MGAM2: variants seen among roughly 807,000 people sequenced by gnomAD.
MGAM2 encodes the protein probable maltase-glucoamylase 2.
MGAM2 carries 98 observed loss-of-function variants against 96.1 expected under a neutral mutation model. That is an observed-to-expected ratio of 1.02 (90% CI 0.87 to 1.21). The LOEUF (loss-of-function observed/expected upper bound fraction) is 1.21. Among genes scored for constraint, MGAM2 ranks in the 50% most tolerant of loss-of-function variants. MGAM2 has a pLI of 0.00. For missense variants in MGAM2, 2,055 were observed against 1,182.4 expected, an observed-to-expected ratio of 1.74 and a Z score of -10.82; for synonymous variants, 749 against 414.8, an observed-to-expected ratio of 1.81 and a Z score of -9.79.
In MGAM2 at chr7:142,137,564, A is replaced by G. The variant is rs1349542694; in HGVS notation, c.960+19A>G. ...CTTGGAGGTATGTCTTTGCATTTAG[A>G]TAGTCATTATTTACTGCTGTTATCT... is the stretch of plus-strand genomic sequence containing the variant. On this transcript the variant is annotated intron_variant, in intron 9 of 47. Coordinates refer to ENST00000477922, the MANE Select transcript of MGAM2 (RefSeq NM_001293626.2). The G allele has an allele frequency of 1.2e-5, 8 of 686,930 alleles. No individual in the cohort carries two copies. Among genetic ancestry groups the G allele is most frequent in the African/African-American group, 7.1e-5 (4 of 56,308 alleles). The allele number at this position is 686,930 out of a possible 1,614,324, so 42.6% of individuals were successfully genotyped here. A position where few individuals can be genotyped will look rare whatever the true frequency, so the allele number is the denominator to read the frequency against.
intron 3 of MGAM2, among the ~76,000 whole-genome samples, chr7:142,121,685 ATAT>A (rs1794577197): frequency 1.3e-5 from 2 of 150,106 alleles, no homozygotes; most frequent in Admixed American, 1.3e-4. Flanking sequence ...TTTTTACTTT[ATAT>A]TATGTTTACA....
intron 3 of MGAM2, among the ~76,000 whole-genome samples, chr7:142,130,096 C>A (rs976656873): frequency 3.3e-5 from 5 of 151,904 alleles, no homozygotes; most frequent in South Asian, 2.1e-4. Context: ...AATTATAAGA[C>A]CTTTACAAAA....
At chr7:142,147,084 G>A (rs182579711) in intron 14 of MGAM2, among the ~76,000 whole-genome samples, 1 of 152,144 alleles carries the variant, frequency 6.6e-6, no homozygotes, top group Admixed American at 6.5e-5. Context: ...CCCTTTCTCT[G>A]CCTTCATACC....
Position 142,160,275 on chromosome 7 carries a change from T to C in MGAM2, c.2345+17T>C. 1.5e-6 allele frequency: 1 copy of C among 685,896 alleles called. No homozygotes were observed. Among genetic ancestry groups the C allele is most frequent in the Non-Finnish European group, 2.6e-6 (1 of 377,890 alleles). The allele number at this position is 685,896 out of a possible 1,614,324, so 42.5% of individuals were successfully genotyped here. A position where few individuals can be genotyped will look rare whatever the true frequency, so the allele number is the denominator to read the frequency against. On this transcript the variant is annotated intron_variant, in intron 21 of 47. Coordinates refer to ENST00000477922, the MANE Select transcript of MGAM2 (RefSeq NM_001293626.2). ...AGAAGCCAGGTAAGCTCCTTACTCT[T>C]CTAAGGTATGACTATTCTGGTGCTC... is the stretch of plus-strand genomic sequence containing the variant.
Position 142,220,155 on chromosome 7 carries a change from T to C in MGAM2, c.5644T>C (p.Ser1882Pro). Residue 1882 changes from serine to proline, a missense_variant, in exon 48 of 48, where the codon TCT becomes CCT. Coordinates refer to ENST00000477922, the MANE Select transcript of MGAM2 (RefSeq NM_001293626.2). ...TTNTTVPDTT[S>P]PFPTSTTNAS... ...TAATACTACTGTTCCTGATACAACTTCTCCTTTCCCTACAAGTACTACTAA... is the reference window on the plus strand; with the variant it reads ...TAATACTACTGTTCCTGATACAACTCCTCCTTTCCCTACAAGTACTACTAA... 1 of 702,194 alleles carries C rather than the reference T, an allele frequency of 1.4e-6. No homozygotes were observed. The highest frequency in any genetic ancestry group is 1.5e-5 in the South Asian group (1 of 67,550). The allele number at this position is 702,194 out of a possible 1,614,324, so 43.5% of individuals were successfully genotyped here.
Position 142,214,471 on chromosome 7 carries a change from A to G in MGAM2, c.5188-3890A>G, listed in dbSNP as rs181934910. Among the ~76,000 whole-genome samples the G allele has an allele frequency of 7.2e-5, 11 of 152,354 alleles. No individual in the cohort carries two copies. In the East Asian group the frequency reaches 2.1e-3, roughly 29 times the overall value. ...CAACTTCAGCAAAGTCTCAGGATACAAAATCAATGTGCAAAAATCACAAGC... is the reference window on the plus strand; with the variant it reads ...CAACTTCAGCAAAGTCTCAGGATACGAAATCAATGTGCAAAAATCACAAGC... On this transcript the variant is annotated intron_variant, in intron 46 of 47. Transcript: ENST00000477922.
At chr7:142,187,904 C>A in intron 36 of MGAM2, 70 bp downstream of exon 36, 1 of 672,666 alleles carries the variant, frequency 1.5e-6, no homozygotes, top group South Asian at 1.6e-5. Flanking sequence ...CTTTTACTGT[C>A]AAAGTGAAGC....
chr7:142,116,305 T>C (rs975218484), intron 1 of MGAM2, among the ~76,000 whole-genome samples: 15 of 152,186 alleles, frequency 9.9e-5, no homozygotes, highest in African/African-American at 2.7e-4. Context: ...ATGTGAGTTG[T>C]TTGCTGTGAA....
chr7:142,130,010 TATTCTA>T, intron 3 of MGAM2, among the ~76,000 whole-genome samples: 1 of 152,284 alleles, frequency 6.6e-6, no homozygotes, highest in Non-Finnish European at 1.5e-5. Context: ...TGCCTGTGTT[TATTCTA>T]ACACAGTGGT....
chr7:142,195,632 C>T (rs1244199660), intron 37 of MGAM2, among the ~76,000 whole-genome samples: 1 of 151,796 alleles, frequency 6.6e-6, no homozygotes, highest in African/African-American at 2.4e-5. Context: ...GCTGGGATTA[C>T]AGGTGTGAGC....
chr7:142,172,550 A>T (rs1796228342), intron 29 of MGAM2, 102 bp from the exon 30 acceptor site: 3 of 591,846 alleles, frequency 5.1e-6, no homozygotes, highest in East Asian at 5.6e-5. Flanking sequence ...GAAGGCATGT[A>T]TCAAAGACAG....
intron 31 of MGAM2, among the ~76,000 whole-genome samples, chr7:142,175,009 G>A (rs541909178): frequency 4.6e-5 from 7 of 152,064 alleles, no homozygotes; most frequent in Non-Finnish European, 7.3e-5. Flanking sequence ...GTGAGCCACC[G>A]TGCCTAGCCC....
intron 1 of MGAM2, among the ~76,000 whole-genome samples, chr7:142,116,473 T>C (rs1026608756): frequency 6.6e-6 from 1 of 152,194 alleles, no homozygotes; most frequent in Non-Finnish European, 1.5e-5. Flanking sequence ...ACTTTCTCTC[T>C]CCCTGAGCAT....
At chr7:142,204,285 ATATAT>A (rs1258848776) in intron 45 of MGAM2, among the ~76,000 whole-genome samples, 1 of 151,930 alleles carries the variant, frequency 6.6e-6, no homozygotes, top group Non-Finnish European at 1.5e-5. Flanking sequence ...TTTATGGATA[ATATAT>A]TATAACCTAT....
intron 45 of MGAM2, among the ~76,000 whole-genome samples, chr7:142,202,261 G>A (rs985592636): frequency 5.3e-5 from 8 of 152,066 alleles, no homozygotes; most frequent in South Asian, 4.1e-4. Flanking sequence ...GGACCCCTGC[G>A]GATATCAAAT....
intron 3 of MGAM2, among the ~76,000 whole-genome samples, chr7:142,128,514 G>A (rs181853631): frequency 3.1e-4 from 47 of 152,280 alleles, no homozygotes; most frequent in Middle Eastern, 3.4e-3. Flanking sequence ...AGGAAGCCTC[G>A]GACAGAAAAA....
At chr7:142,171,629 T>TCCACA (rs2129090479) in intron 28 of MGAM2, among the ~76,000 whole-genome samples, 189 bp downstream of exon 28, 1 of 77,438 alleles carries the variant, frequency 1.3e-5, no homozygotes, top group Non-Finnish European at 2.6e-5. Context: ...TATATATATA[T>TCCACA]ATATATATAT....
chr7:142,187,860 C>T (rs1178337771), intron 36 of MGAM2, 26 bp downstream of exon 36: 1 of 698,132 alleles, frequency 1.4e-6, no homozygotes, highest in South Asian at 1.5e-5. Flanking sequence ...ACTTCATCAA[C>T]TTACTTTCCT....
At position 142,196,578 on chromosome 7, in the gene MGAM2, C is replaced by T; in HGVS notation, c.4494C>T (p.Phe1498=). Residue 1498 remains phenylalanine, a synonymous_variant, in exon 39 of 48, where the codon TTC becomes TTT. Coordinates refer to ENST00000477922, the MANE Select transcript of MGAM2 (RefSeq NM_001293626.2). The stretch of plus-strand genomic sequence containing the variant: ...TTCTCTTTGCAGGCATGATGGAGTT[C>T]AGTCTCTTTGGAATACCTTATGTAA... ...LGKSIIGMME[F]SLFGIPYTGA... The T allele has an allele frequency of 1.4e-6, 1 of 722,086 alleles. No individual in the cohort carries two copies. The highest frequency in any genetic ancestry group is 2.5e-6 in the Non-Finnish European group (1 of 393,016). The allele number at this position is 722,086 out of a possible 1,614,324, so 44.7% of individuals were successfully genotyped here.
Sources: gnomAD v4.1 joint callset for allele counts (sites outside exome capture counted in the v4.1 genomes callset) on GRCh38, gnomAD v4.1.1 for gene constraint, MANE v1.5 for transcripts, NCBI Gene and HGNC (gene_info 2026-07-23, HGNC 2026-07-21) for gene names.